MAD1L1: variants seen among roughly 807,000 people sequenced by gnomAD.
The protein encoded by MAD1L1 is mitotic arrest deficient 1 like 1.
MAD1L1 carries 95 observed loss-of-function variants against 96.9 expected under a neutral mutation model. That is an observed-to-expected ratio of 0.98 (90% CI 0.83 to 1.16). MAD1L1 has a LOEUF of 1.16. Among genes scored for constraint, MAD1L1 ranks in the 50% most tolerant of loss-of-function variants. MAD1L1 has a pLI of 0.00. For missense variants in MAD1L1, 1,007 were observed against 954.4 expected (o/e 1.06, Z -0.73); for synonymous variants, 473 against 396.6 (o/e 1.19, Z -2.29).
At chr7:1,984,337 G>A (rs1000286817) in intron 14 of MAD1L1, among the ~76,000 whole-genome samples, 2 of 152,030 alleles carry the variant, frequency 1.3e-5, no homozygotes, top group Non-Finnish European at 2.9e-5. Context: ...CTCTATTACC[G>A]AATACACAAT....
intron 10 of MAD1L1, among the ~76,000 whole-genome samples, chr7:2,194,539 C>T (rs1159755442): frequency 1.3e-5 from 2 of 152,190 alleles, no homozygotes; most frequent in African/African-American, 4.8e-5. Context: ...GCCGTGAGGG[C>T]TAATCACCCT....
intron 11 of MAD1L1, among the ~76,000 whole-genome samples, chr7:2,131,881 C>T (rs1274851513): frequency 6.6e-6 from 1 of 152,218 alleles, no homozygotes; most frequent in Non-Finnish European, 1.5e-5. Flanking sequence ...GGCAGTCACA[C>T]AAGTCCTGTG....
rs1188698524 is a variant in MAD1L1 at position 2,103,665 on chromosome 7, A to G, written c.1074-34327T>C. 1.3e-5 allele frequency among the ~76,000 whole-genome samples: 2 copies of G among 152,102 alleles called. No individual in the cohort carries two copies. Among genetic ancestry groups the G allele is most frequent in the Non-Finnish European group, 2.9e-5 (2 of 68,002 alleles). On this transcript the variant is annotated intron_variant, in intron 11 of 18. Coordinates refer to ENST00000265854, the MANE Select transcript of MAD1L1 (RefSeq NM_001013836.2). This position sits in a 1 kb window ranked among gnomAD's most constrained non-coding sequence, Gnocchi z 4.3. ...ACTGAGACTCGATCCCACAGGGGAGAAGGAGGGAGCGGCCACGAGGAGGAG... is the reference window on the plus strand; with the variant it reads ...ACTGAGACTCGATCCCACAGGGGAGGAGGAGGGAGCGGCCACGAGGAGGAG...
chr7:1,853,947 T>C (rs1162110710), intron 18 of MAD1L1, among the ~76,000 whole-genome samples: 3 of 152,228 alleles, frequency 2.0e-5, no homozygotes, highest in Non-Finnish European at 4.4e-5. Context: ...TTTGGTCATT[T>C]ATCAGGCTAA....
intron 11 of MAD1L1, among the ~76,000 whole-genome samples, chr7:2,121,927 C>T (rs1788001299): frequency 6.6e-6 from 1 of 152,150 alleles, no homozygotes; most frequent in Non-Finnish European, 1.5e-5. Context: ...ACCTGAGGGA[C>T]CGGCAAAGGC....
chr7:1,977,728 C>T (rs2128482517), intron 15 of MAD1L1, among the ~76,000 whole-genome samples: 2 of 152,374 alleles, frequency 1.3e-5, no homozygotes, highest in Middle Eastern at 3.4e-3. Context: ...CCTGGCCATG[C>T]TCCCATCAAC....
chr7:1,977,500 C>T (rs1396793189), intron 15 of MAD1L1, among the ~76,000 whole-genome samples: 1 of 152,260 alleles, frequency 6.6e-6, no homozygotes, highest in Non-Finnish European at 1.5e-5. Flanking sequence ...GCGCCTCTCC[C>T]TCCACACCTC....
chr7:2,008,522 G>A (rs1357753479), intron 13 of MAD1L1, among the ~76,000 whole-genome samples: 1 of 152,246 alleles, frequency 6.6e-6, no homozygotes, highest in Non-Finnish European at 1.5e-5. Context: ...AGGCAGTGTA[G>A]GGTGCAGCCT....
chr7:1,832,167 C>T (rs1417265802), intron 18 of MAD1L1, among the ~76,000 whole-genome samples: 1 of 152,010 alleles, frequency 6.6e-6, no homozygotes, highest in Non-Finnish European at 1.5e-5. Flanking sequence ...GAGAGGAGGT[C>T]AAAGTATCAC....
At position 1,928,358 on chromosome 7, in the gene MAD1L1, G is replaced by A. The variant is rs543454609; in HGVS notation, c.1807+8329C>T. On this transcript the variant is annotated intron_variant, in intron 17 of 18. Coordinates refer to ENST00000265854, the MANE Select transcript of MAD1L1 (RefSeq NM_001013836.2). ...GAGCCCACGACGGAACTCCTGCCAC[G>A]CCAGACACTGCTCCCCACCACCCAC... Among the ~76,000 whole-genome samples the A allele has an allele frequency of 8.3e-3, 1,103 of 133,264 alleles. 10 individuals carry two copies. The highest frequency in any genetic ancestry group is 0.03 in the African/African-American group (1,053 of 35,100). The allele number at this position is 133,264 out of a possible 152,430, so 87.4% of individuals were successfully genotyped here. A position where few individuals can be genotyped will look rare whatever the true frequency, so the allele number is the denominator to read the frequency against.
chr7:2,102,337 TCAC>T (rs1468289072), intron 11 of MAD1L1, among the ~76,000 whole-genome samples: 2 of 133,140 alleles, frequency 1.5e-5, no homozygotes, highest in African/African-American at 2.9e-5. Flanking sequence ...ACCATCACCA[TCAC>T]CACCGCCACC....
intron 12 of MAD1L1, among the ~76,000 whole-genome samples, chr7:2,068,229 G>A (rs1784969142): frequency 6.6e-6 from 1 of 152,234 alleles, no homozygotes. Flanking sequence ...TGTGTTCCGG[G>A]TGCCCACACA....
intron 12 of MAD1L1, among the ~76,000 whole-genome samples, chr7:2,032,349 C>T (rs990342405): frequency 6.6e-6 from 1 of 152,212 alleles, no homozygotes; most frequent in African/African-American, 2.4e-5. Context: ...TCCGTGAAGC[C>T]GAGCCTGGGC....
chr7:1,831,585 G>A (rs936966834), intron 18 of MAD1L1, among the ~76,000 whole-genome samples: 1 of 152,224 alleles, frequency 6.6e-6, no homozygotes, highest in South Asian at 2.1e-4. Context: ...TGAAAACTGA[G>A]GCCAAAAGCT....
intron 18 of MAD1L1, chr7:1,847,864 G>T: frequency 2.7e-6 from 1 of 376,014 alleles, no homozygotes; most frequent in South Asian, 2.0e-5. Context: ...GTGCTGAGGG[G>T]ACAGAGGGTC....
At chr7:2,173,987 G>A (rs1023053359) in intron 10 of MAD1L1, among the ~76,000 whole-genome samples, 6 of 152,038 alleles carry the variant, frequency 3.9e-5, no homozygotes, top group Admixed American at 2.0e-4. Context: ...TATTGTTGCT[G>A]TTGTTGGACA....
At chr7:1,841,850 G>A (rs1227736909) in intron 18 of MAD1L1, among the ~76,000 whole-genome samples, 1 of 152,232 alleles carries the variant, frequency 6.6e-6, no homozygotes, top group East Asian at 1.9e-4. Context: ...CCTCGCATGA[G>A]TCTCCCCTTC....
chr7:1,863,591 A>G (rs1366191863), intron 18 of MAD1L1, among the ~76,000 whole-genome samples: 1 of 152,180 alleles, frequency 6.6e-6, no homozygotes, highest in African/African-American at 2.4e-5. Flanking sequence ...ACCCAGGAGG[A>G]GACTTGGGCT....
chr7:2,173,284 C>A (rs2128596268), intron 10 of MAD1L1, among the ~76,000 whole-genome samples: 1 of 152,292 alleles, frequency 6.6e-6, no homozygotes, highest in Non-Finnish European at 1.5e-5. Context: ...GAGGCCATGG[C>A]TCTGTGCTCC....
Sources: allele counts gnomAD v4.1 joint callset (sites outside exome capture counted in the v4.1 genomes callset), GRCh38; gene constraint gnomAD v4.1.1; non-coding constraint Gnocchi (gnomAD v3.1); transcripts MANE v1.5; gene names NCBI Gene and HGNC (gene_info 2026-07-23, HGNC 2026-07-21).